The following RALYL variants were observed in gnomAD, a reference collection of about 807,000 sequenced individuals.
RALYL encodes RALY RNA binding protein like, also known as RNA-binding Raly-like protein.
In RALYL, 29 loss-of-function variants were observed where a neutral mutation model predicts 35.1. The ratio of observed to expected loss-of-function variants is 0.83; its 90% CI spans 0.61 to 1.13. The LOEUF (loss-of-function observed/expected upper bound fraction) is 1.13, where lower values mean the gene tolerates loss of function less well. Among genes scored for constraint, RALYL ranks in the 50% most tolerant of loss-of-function variants. The probability of loss-of-function intolerance (pLI) is 0.00; values close to 1 mark genes in which losing one functional copy is unlikely to be tolerated. For synonymous variants in RALYL, 120 were observed against 127.6 expected (o/e 0.94, Z 0.40); for missense variants, 359 against 360.4 (o/e 1.00, Z 0.03).
chr8:84,837,800 TAAAC>T (rs778194058), intron 4 of RALYL, among the ~76,000 whole-genome samples: 4 of 152,172 alleles, frequency 2.6e-5, no homozygotes, highest in Non-Finnish European at 4.4e-5. Flanking sequence ...GATTTTTAAA[TAAAC>T]AATATGAAAT....
chr8:84,767,556 G>A (rs1814414677), intron 2 of RALYL, among the ~76,000 whole-genome samples: 1 of 152,110 alleles, frequency 6.6e-6, no homozygotes, highest in African/African-American at 2.4e-5. Context: ...TCTCTGCTTA[G>A]AGAGAATCAT....
intron 2 of RALYL, among the ~76,000 whole-genome samples, chr8:84,552,358 A>AT (rs1167949176): frequency 0.029 from 898 of 30,692 alleles, 180 homozygotes; most frequent in Middle Eastern, 0.083. Context: ...ATATATATAT[A>AT]TTTTTTTTTT....
intron 5 of RALYL, among the ~76,000 whole-genome samples, chr8:84,859,304 G>A (rs998509408): frequency 7.9e-5 from 12 of 152,196 alleles, no homozygotes; most frequent in East Asian, 1.9e-4. Context: ...GAGGAGGGGC[G>A]CAAAGGGAGT....
intron 2 of RALYL, among the ~76,000 whole-genome samples, chr8:84,595,726 C>T (rs1814348455): frequency 6.7e-6 from 1 of 150,274 alleles, no homozygotes. Context: ...ATTTTTTCCT[C>T]TCTAGAAAAT....
intron 2 of RALYL, among the ~76,000 whole-genome samples, chr8:84,600,562 G>A (rs1815694143): frequency 6.6e-6 from 1 of 152,072 alleles, no homozygotes; most frequent in Non-Finnish European, 1.5e-5. Context: ...GTTTTCCTAG[G>A]AGGATCCCCA....
chr8:84,487,004 G>A (rs1049492093), intron 1 of RALYL, among the ~76,000 whole-genome samples: 2 of 151,982 alleles, frequency 1.3e-5, no homozygotes, highest in African/African-American at 4.8e-5. Context: ...GGCATAGTTA[G>A]GACCACCACA....
intron 1 of RALYL, among the ~76,000 whole-genome samples, chr8:84,323,966 CTTTTT>C (rs1473437720): frequency 6.6e-6 from 1 of 151,942 alleles, no homozygotes; most frequent in Non-Finnish European, 1.5e-5. Context: ...TAAATGTTTT[CTTTTT>C]GAGTCTCTTG....
At chr8:84,294,000 A>C (rs762475161) in intron 1 of RALYL, among the ~76,000 whole-genome samples, 30 of 152,272 alleles carry the variant, frequency 2.0e-4, no homozygotes, top group Non-Finnish European at 4.0e-4. Flanking sequence ...CTGGAGAAAA[A>C]TTATGTGCCT....
At chr8:84,214,946 C>T (rs1183725740) in intron 1 of RALYL, among the ~76,000 whole-genome samples, 1 of 151,730 alleles carries the variant, frequency 6.6e-6, no homozygotes, top group Non-Finnish European at 1.5e-5. Flanking sequence ...CACTCTGTCA[C>T]CCAGGCTGGA....
rs763099177 is a variant in RALYL at position 84,432,715 on chromosome 8, T to C, written c.-23-96584T>C. Among the ~76,000 whole-genome samples the C allele has an allele frequency of 1.5e-3, 222 of 152,174 alleles. 2 individuals carry two copies. Among genetic ancestry groups the C allele is most frequent in the Admixed American group, 2.6e-4 (4 of 15,262 alleles). On this transcript the variant is annotated intron_variant, in intron 1 of 8. Transcript: ENST00000521268. ...ATGCCTGGAGTTTTATAAGACAATGTGAATTTACAAAGGAAGATGCCACGT... is the reference window on the plus strand; with the variant it reads ...ATGCCTGGAGTTTTATAAGACAATGCGAATTTACAAAGGAAGATGCCACGT...
intron 2 of RALYL, among the ~76,000 whole-genome samples, chr8:84,629,026 A>AC (rs1453771349): frequency 6.6e-6 from 1 of 152,092 alleles, no homozygotes; most frequent in Non-Finnish European, 1.5e-5. Context: ...AAAGCACAGC[A>AC]TTTAATTACA....
chr8:84,441,402 A>G (rs1004970704), intron 1 of RALYL, among the ~76,000 whole-genome samples: 3 of 152,148 alleles, frequency 2.0e-5, no homozygotes, highest in Non-Finnish European at 4.4e-5. Context: ...AGTCCAGTGT[A>G]GCAACTGAAT....
chr8:84,909,205 C>T (rs532410029), intron 8 of RALYL, among the ~76,000 whole-genome samples: 14 of 152,214 alleles, frequency 9.2e-5, no homozygotes, highest in African/African-American at 2.2e-4. Context: ...ATGAAAAGAA[C>T]ACTTAAAGTC....
At chr8:84,638,842 C>A (rs1825620530) in intron 2 of RALYL, among the ~76,000 whole-genome samples, 1 of 108,274 alleles carries the variant, frequency 9.2e-6, no homozygotes, top group Admixed American at 1.0e-4. Context: ...ACATCTATAA[C>A]AGAAATACGA....
At chr8:84,319,324 A>T (rs1338120278) in intron 1 of RALYL, among the ~76,000 whole-genome samples, 2 of 152,154 alleles carry the variant, frequency 1.3e-5, no homozygotes, top group African/African-American at 4.8e-5. Flanking sequence ...TAGTGACTAT[A>T]GATGGTAAAA....
intron 2 of RALYL, among the ~76,000 whole-genome samples, chr8:84,622,874 G>A (rs1282077793): frequency 1.3e-5 from 2 of 152,118 alleles, no homozygotes; most frequent in Non-Finnish European, 1.5e-5. Context: ...TGTTATCTAC[G>A]TGGAAAAAAA....
intron 1 of RALYL, among the ~76,000 whole-genome samples, chr8:84,350,136 T>C (rs975822728): frequency 6.6e-6 from 1 of 150,476 alleles, no homozygotes; most frequent in African/African-American, 2.5e-5. Flanking sequence ...GAAAATATAT[T>C]CAGGTACCAA....
chr8:84,216,853 C>G (rs1214323580), intron 1 of RALYL, among the ~76,000 whole-genome samples: 1 of 152,098 alleles, frequency 6.6e-6, no homozygotes, highest in Non-Finnish European at 1.5e-5. Context: ...CAGGTGTAAA[C>G]CAATTGATTT....
chr8:84,862,222 G>A, intron 5 of RALYL, 74 bp from the exon 6 acceptor site: 2 of 1,263,802 alleles, frequency 1.6e-6, no homozygotes, highest in Non-Finnish European at 2.1e-6. Flanking sequence ...AGGACATTCT[G>A]TTCAACATTT....
Sources: gnomAD v4.1 joint callset for allele counts (sites outside exome capture counted in the v4.1 genomes callset) on GRCh38, gnomAD v4.1.1 for gene constraint, MANE v1.5 for transcripts, NCBI Gene and HGNC (gene_info 2026-07-23, HGNC 2026-07-21) for gene names.